The following FAM81A variants were observed in gnomAD, a reference collection of about 807,000 sequenced individuals.
FAM81A encodes the protein family with sequence similarity 81 member A.
Under a neutral mutation model 46.7 loss-of-function variants are expected in FAM81A, and 19 were observed. The observed-to-expected ratio is 0.41, with a 90% CI of 0.28 to 0.60. The LOEUF is 0.60. FAM81A is among the 20% of genes least tolerant of loss of function. The pLI, the probability that FAM81A is intolerant of heterozygous loss-of-function variation, is 0.34. For missense variants in FAM81A, 377 were observed against 453.5 expected (o/e 0.83, Z 1.53); for synonymous variants, 183 against 152.9 (o/e 1.20, Z -1.45).
chr15:59,517,422 G>C (rs1236523505), intron 8 of FAM81A, among the ~76,000 whole-genome samples: 1 of 152,172 alleles, frequency 6.6e-6, no homozygotes, highest in Non-Finnish European at 1.5e-5. Flanking sequence ...CTCAATATGA[G>C]GCAGAAGTAC....
upstream of FAM81A, among the ~76,000 whole-genome samples, chr15:59,435,714 A>G (rs188303993): frequency 6.6e-5 from 10 of 152,360 alleles, no homozygotes; most frequent in East Asian, 1.9e-3. Context: ...AAATAGTATT[A>G]CAGCCATCAA....
intron 2 of FAM81A, among the ~76,000 whole-genome samples, chr15:59,429,549 T>C (rs1237342900): frequency 6.6e-6 from 1 of 152,220 alleles, no homozygotes; most frequent in Non-Finnish European, 1.5e-5. Context: ...TATACCACTA[T>C]TATCTCCCCT....
chr15:59,510,576 G>T (rs2082195968), intron 6 of FAM81A, among the ~76,000 whole-genome samples: 1 of 151,824 alleles, frequency 6.6e-6, no homozygotes, highest in Non-Finnish European at 1.5e-5. Context: ...CTGAGAGTCT[G>T]ATTGTCAGCC....
At chr15:59,482,981 G>T (rs181260935) in intron 3 of FAM81A, among the ~76,000 whole-genome samples, 187 of 152,036 alleles carry the variant, frequency 1.2e-3, no homozygotes, top group Non-Finnish European at 2.2e-3. Flanking sequence ...GGTTCATTGA[G>T]AAAAAGCTGG....
intron 3 of FAM81A, among the ~76,000 whole-genome samples, chr15:59,487,335 G>A (rs8028330): frequency 0.087 from 12,963 of 149,660 alleles, 697 homozygotes; most frequent in African/African-American, 0.15. Context: ...TCAAATAAAC[G>A]ATCTAAGGAT....
chr15:59,461,144 C>T (rs2081546414), intron 3 of FAM81A, among the ~76,000 whole-genome samples: 1 of 152,200 alleles, frequency 6.6e-6, no homozygotes, highest in African/African-American at 2.4e-5. Flanking sequence ...CCAAAATTCA[C>T]ATAAGCCTGT....
intron 8 of FAM81A, among the ~76,000 whole-genome samples, chr15:59,519,470 CCTTT>C (rs1175471894): frequency 1.4e-5 from 2 of 146,978 alleles, no homozygotes; most frequent in African/African-American, 5.1e-5. Context: ...CTCCCTCCCT[CCTTT>C]CCTTCCTTCC....
At chr15:59,512,322 A>G (rs2082219343) in intron 6 of FAM81A, among the ~76,000 whole-genome samples, 1 of 151,954 alleles carries the variant, frequency 6.6e-6, no homozygotes. Context: ...AAATACAAAA[A>G]TTAGCTGGGC....
At chr15:59,495,295 C>G (rs1264346656) in intron 4 of FAM81A, among the ~76,000 whole-genome samples, 2 of 152,182 alleles carry the variant, frequency 1.3e-5, no homozygotes, top group Non-Finnish European at 2.9e-5. Flanking sequence ...TCCCTTGATT[C>G]TGGCTTCTGA....
chr15:59,427,546 G>A (rs372581933), intron 2 of FAM81A, among the ~76,000 whole-genome samples: 5 of 151,376 alleles, frequency 3.3e-5, no homozygotes, highest in South Asian at 2.1e-4. Flanking sequence ...ACACTGCCCC[G>A]CTAGGCCCCA....
intron 4 of FAM81A, among the ~76,000 whole-genome samples, chr15:59,500,381 T>G (rs1401498952): frequency 6.6e-6 from 1 of 152,120 alleles, no homozygotes; most frequent in African/African-American, 2.4e-5. Context: ...CATTGTAATC[T>G]CAAACTGCTG....
intron 4 of FAM81A, among the ~76,000 whole-genome samples, chr15:59,501,722 C>G (rs1480367650): frequency 6.6e-6 from 1 of 152,140 alleles, no homozygotes; most frequent in South Asian, 2.1e-4. Context: ...TGGCCACAAC[C>G]TGGAATTGTA....
At chr15:59,410,970 G>A (rs1467486171) in intron 2 of FAM81A, among the ~76,000 whole-genome samples, 1 of 152,056 alleles carries the variant, frequency 6.6e-6, no homozygotes, top group Non-Finnish European at 1.5e-5. Flanking sequence ...GGCTGGTCTC[G>A]AACTCCTGGC....
At chr15:59,399,318 A>G (rs1596455687) in intron 1 of FAM81A, among the ~76,000 whole-genome samples, 2 of 152,346 alleles carry the variant, frequency 1.3e-5, no homozygotes, top group Non-Finnish European at 2.9e-5. Context: ...GCCAGAGCTT[A>G]GCCAAATGGT....
At chr15:59,404,344 G>A (rs1367372251) in intron 2 of FAM81A, among the ~76,000 whole-genome samples, 1 of 152,186 alleles carries the variant, frequency 6.6e-6, no homozygotes, top group African/African-American at 2.4e-5. Flanking sequence ...CAGCAAGTCA[G>A]AGTCCATAGC....
At chr15:59,406,362 G>A (rs567577155) in intron 2 of FAM81A, among the ~76,000 whole-genome samples, 1 of 152,288 alleles carries the variant, frequency 6.6e-6, no homozygotes, top group South Asian at 2.1e-4. Flanking sequence ...TGAGGCTGGG[G>A]GATGTGAAAT....
intron 2 of FAM81A, among the ~76,000 whole-genome samples, chr15:59,403,026 C>T (rs139874605): frequency 6.1e-5 from 9 of 147,878 alleles, no homozygotes; most frequent in African/African-American, 2.0e-4. Flanking sequence ...TGTAGAGGAA[C>T]GCTACTGATT....
At chr15:59,410,085 G>A (rs576492059) in intron 2 of FAM81A, among the ~76,000 whole-genome samples, 50 of 152,230 alleles carry the variant, frequency 3.3e-4, no homozygotes, top group African/African-American at 1.2e-3. Context: ...CGGATTACGA[G>A]GTCAGGAGAG....
intron 4 of FAM81A, among the ~76,000 whole-genome samples, chr15:59,499,878 A>G (rs1471352695): frequency 7.0e-6 from 1 of 142,282 alleles, no homozygotes; most frequent in African/African-American, 2.7e-5. Context: ...TTTTTTTGAG[A>G]CAGATACCCT....
Sources: gnomAD v4.1 joint callset for allele counts (sites outside exome capture counted in the v4.1 genomes callset) on GRCh38, gnomAD v4.1.1 for gene constraint, MANE v1.5 for transcripts, NCBI Gene and HGNC (gene_info 2026-07-23, HGNC 2026-07-21) for gene names.